Variants in ZFAND4 observed in about 807,000 individuals in gnomAD.
ZFAND4 encodes the protein AN1-type zinc finger protein 4.
ZFAND4 carries 43 observed loss-of-function variants against 64.4 expected under a neutral mutation model. The ratio of observed to expected loss-of-function variants is 0.67; its 90% CI spans 0.52 to 0.86. The LOEUF (loss-of-function observed/expected upper bound fraction) is 0.86, where lower values mean the gene tolerates loss of function less well. Among genes scored for constraint, ZFAND4 ranks in the 40% least tolerant of loss-of-function variants. The pLI is 0.00. For missense variants in ZFAND4, 929 were observed against 859.8 expected, an observed-to-expected ratio of 1.08 and a Z score of -1.01; for synonymous variants, 296 against 305.7, an observed-to-expected ratio of 0.97 and a Z score of 0.33.
intron 2 of ZFAND4, among the ~76,000 whole-genome samples, chr10:45,656,515 AAAAAAAAAAAGAAAAG>A (rs2048125986): frequency 6.7e-6 from 1 of 150,054 alleles, no homozygotes; most frequent in Non-Finnish European, 1.5e-5. Context: ...AAAAAAAAAA[AAAAAAAAAAAGAAAAG>A]AAAAAAGAAA....
chr10:45,621,658 C>T (rs1009399518), intron 8 of ZFAND4, among the ~76,000 whole-genome samples: 9 of 151,988 alleles, frequency 5.9e-5, no homozygotes, highest in Non-Finnish European at 8.8e-5. Context: ...AGGAGAATGG[C>T]GTGAACCTGG....
intron 2 of ZFAND4, among the ~76,000 whole-genome samples, chr10:45,653,982 G>T (rs921314912): frequency 1.3e-5 from 2 of 152,186 alleles, no homozygotes; most frequent in African/African-American, 4.8e-5. Flanking sequence ...AGAACACCAT[G>T]CGGCCATAAA....
intron 1 of ZFAND4, among the ~76,000 whole-genome samples, chr10:45,664,716 A>G (rs2133862176): frequency 6.6e-6 from 1 of 152,094 alleles, no homozygotes; most frequent in East Asian, 2.0e-4. Context: ...TGATGAGGTC[A>G]GGAGATCGAG....
At chr10:45,638,950 C>T (rs576151819) in intron 6 of ZFAND4, among the ~76,000 whole-genome samples, 14 of 152,116 alleles carry the variant, frequency 9.2e-5, no homozygotes, top group Admixed American at 6.5e-4. Context: ...GGAACAGGTA[C>T]GTATTAACTG....
intron 2 of ZFAND4, among the ~76,000 whole-genome samples, chr10:45,654,644 A>G (rs1589399889): frequency 6.6e-6 from 1 of 152,210 alleles, no homozygotes; most frequent in East Asian, 1.9e-4. Flanking sequence ...ATCATGAATC[A>G]GGCCTGAAGA....
rs1316549715 is a variant in ZFAND4, at chr10:45,626,364, G to C, written c.1459C>G (p.Leu487Val). ...CSAPMSLHNS[L>V]VKPERQSKCF... is the part of the protein sequence containing the mutation. ...TTGGACTGTCTCTCTGGTTTCACCA[G>C]AGAATTATGTAGCGACATTGGTGCA... is the stretch of plus-strand genomic sequence containing the variant. Residue 487 changes from leucine to valine, a missense_variant, in exon 7 of 10, where the codon CTG becomes GTG. Physicochemically the swap from Leu to Val is conservative, Grantham distance 32. Coordinates refer to ENST00000344646, the MANE Select transcript of ZFAND4 (RefSeq NM_174890.4). 1.2e-6 allele frequency: 2 copies of C among 1,614,224 alleles called. No homozygotes were observed. Among genetic ancestry groups the C allele is most frequent in the Non-Finnish European group, 8.5e-7 (1 of 1,180,038 alleles).
chr10:45,635,151 T>C (rs751721191), intron 6 of ZFAND4, among the ~76,000 whole-genome samples: 2 of 70,058 alleles, frequency 2.9e-5, no homozygotes, highest in Non-Finnish European at 5.7e-5. Flanking sequence ...TCCTAAAATT[T>C]ACATGGAACC....
rs1198957025 is a variant in ZFAND4 at position 45,672,760 on chromosome 10, A to T, written c.-628T>A. ...CCCGGCGAGCAACTTCACGGAAGGC[A>T]CTGGCCGACAACGCTCCGCTGCCGC... is the stretch of plus-strand genomic sequence containing the variant. On this transcript the variant is annotated 5_prime_UTR_variant, in exon 1 of 10. Coordinates refer to ENST00000344646, the MANE Select transcript of ZFAND4 (RefSeq NM_174890.4). The T allele has an allele frequency of 6.6e-6, 1 of 152,356 alleles. No individual in the cohort carries two copies. The highest frequency in any genetic ancestry group is 2.4e-5 in the African/African-American group (1 of 41,440). The allele number at this position is 152,356 out of a possible 1,614,324, so 9.4% of individuals were successfully genotyped here. A position where few individuals can be genotyped will look rare whatever the true frequency, so the allele number is the denominator to read the frequency against.
intron 5 of ZFAND4, among the ~76,000 whole-genome samples, chr10:45,646,555 G>A (rs2047398377): frequency 6.6e-6 from 1 of 152,138 alleles, no homozygotes; most frequent in South Asian, 2.1e-4. Context: ...TTTGGGCTGA[G>A]TCATAAACAC....
At chr10:45,664,899 C>T (rs762656109) in intron 1 of ZFAND4, among the ~76,000 whole-genome samples, 2 of 152,038 alleles carry the variant, frequency 1.3e-5, no homozygotes, top group Admixed American at 6.5e-5. Context: ...CCACAACACC[C>T]CAGCCTGGGC....
chr10:45,667,344 A>G (rs2048888768), intron 1 of ZFAND4, among the ~76,000 whole-genome samples: 1 of 151,924 alleles, frequency 6.6e-6, no homozygotes, highest in South Asian at 2.1e-4. Context: ...TATTTCGTTC[A>G]TTTAGTTATT....
intron 2 of ZFAND4, among the ~76,000 whole-genome samples, chr10:45,656,280 T>G (rs1026381869): frequency 1.3e-5 from 2 of 149,778 alleles, no homozygotes; most frequent in African/African-American, 4.9e-5. Context: ...GTACCAATCC[T>G]ACTGAAACTA....
At chr10:45,616,623 A>G (rs937411763) in intron 9 of ZFAND4, 52 bp from the exon 10 acceptor site, 24 of 1,605,140 alleles carry the variant, frequency 1.5e-5, no homozygotes, top group Non-Finnish European at 1.5e-5. Context: ...TGAAAGGCTC[A>G]TCTGTCTGGG....
intron 2 of ZFAND4, among the ~76,000 whole-genome samples, chr10:45,653,539 CAT>C (rs1369858253): frequency 6.6e-6 from 1 of 152,166 alleles, no homozygotes; most frequent in Non-Finnish European, 1.5e-5. Flanking sequence ...CAAAAAAAGA[CAT>C]ATATGTGGCC....
intron 2 of ZFAND4, among the ~76,000 whole-genome samples, chr10:45,657,456 A>T (rs1247561115): frequency 6.6e-6 from 1 of 152,268 alleles, no homozygotes; most frequent in Non-Finnish European, 1.5e-5. Context: ...TGATAAGGAT[A>T]CAGAGCAACT....
In ZFAND4 at chr10:45,618,188, C is replaced by A; in HGVS notation, c.2000G>T (p.Cys667Phe). 6.2e-7 allele frequency: 1 copy of A among 1,613,474 alleles called. No individual in the cohort carries two copies. Among genetic ancestry groups the A allele is most frequent in the Non-Finnish European group, 8.5e-7 (1 of 1,179,816 alleles). Reference protein sequence around the residue: ...LQTKKKTTNHCFLCGKKTGLA... With the variant: ...LQTKKKTTNHFFLCGKKTGLA... The stretch of plus-strand genomic sequence containing the variant: ...TCCTGTTTTCTTTCCACAAAGAAAA[C>A]AATGATTTGTTGTTTTCTTCTTTGT... Residue 667 changes from cysteine (C) to phenylalanine (F), a missense_variant, in exon 9 of 10, where the codon TGT becomes TTT. Transcript: ENST00000344646.
chr10:45,636,337 T>C (rs956907284), intron 6 of ZFAND4, among the ~76,000 whole-genome samples: 1 of 152,204 alleles, frequency 6.6e-6, no homozygotes, highest in Non-Finnish European at 1.5e-5. Flanking sequence ...GAATCTTTTA[T>C]AATTTATTTG....
chr10:45,667,480 T>C (rs989945363), intron 1 of ZFAND4, among the ~76,000 whole-genome samples: 3 of 116,836 alleles, frequency 2.6e-5, no homozygotes, highest in South Asian at 2.6e-4. Flanking sequence ...TTTTTTTTTT[T>C]TGGAGGGGGT....
intron 5 of ZFAND4, among the ~76,000 whole-genome samples, chr10:45,646,089 T>C (rs1243605920): frequency 1.3e-5 from 2 of 152,170 alleles, no homozygotes; most frequent in Non-Finnish European, 2.9e-5. Context: ...AACACTAACT[T>C]TCCACCTCAA....
Sources: allele counts gnomAD v4.1 joint callset (sites outside exome capture counted in the v4.1 genomes callset), GRCh38; gene constraint gnomAD v4.1.1; transcripts MANE v1.5; gene names NCBI Gene and HGNC (gene_info 2026-07-23, HGNC 2026-07-21).